MSR1: variants seen among roughly 807,000 people sequenced by gnomAD.
The protein encoded by MSR1 is macrophage scavenger receptor 1.
A neutral mutation model predicts 47.2 loss-of-function variants in MSR1; 53 were observed. The observed-to-expected ratio is 1.12, with a 90% CI of 0.90 to 1.41. The LOEUF is 1.41. Among genes scored for constraint, MSR1 ranks in the 40% most tolerant of loss-of-function variants. The pLI is 0.00. For synonymous variants in MSR1, 239 were observed against 185.6 expected, an observed-to-expected ratio of 1.29 and a Z score of -2.34; for missense variants, 786 against 546.9, an observed-to-expected ratio of 1.44 and a Z score of -4.36.
chr8:16,173,939 G>A (rs567245186), intron 3 of MSR1, among the ~76,000 whole-genome samples: 2 of 152,028 alleles, frequency 1.3e-5, no homozygotes, highest in African/African-American at 4.8e-5. Flanking sequence ...ATGAGCCACC[G>A]TGCCCAGCTG....
At chr8:16,128,459 C>T (rs1460032226) in intron 8 of MSR1, among the ~76,000 whole-genome samples, 2 of 152,002 alleles carry the variant, frequency 1.3e-5, no homozygotes, top group African/African-American at 2.4e-5. Context: ...GAGAAGGGGG[C>T]CGTCTGCAAG....
intron 9 of MSR1, among the ~76,000 whole-genome samples, chr8:16,119,870 C>CTT (rs35520763): frequency 0.019 from 1,793 of 95,642 alleles, 65 homozygotes; most frequent in African/African-American, 0.059. Context: ...TCACGCCTGG[C>CTT]TTTTTTTTTT....
At chr8:16,156,516 T>C (rs992728813) in intron 5 of MSR1, among the ~76,000 whole-genome samples, 1 of 151,950 alleles carries the variant, frequency 6.6e-6, no homozygotes, top group South Asian at 2.1e-4. Context: ...ATTATTACTC[T>C]TCTCAATAGA....
chr8:16,128,633 T>C (rs1391257318), intron 8 of MSR1, among the ~76,000 whole-genome samples: 9 of 152,154 alleles, frequency 5.9e-5, no homozygotes, highest in Admixed American at 5.2e-4. Context: ...TTTTCACTTA[T>C]GTTATGTTTT....
intron 1 of MSR1, among the ~76,000 whole-genome samples, chr8:16,180,963 G>A (rs1585195631): frequency 6.6e-6 from 1 of 151,998 alleles, no homozygotes; most frequent in Non-Finnish European, 1.5e-5. Flanking sequence ...CTCAGGTAGA[G>A]GCAAAGCAAA....
At chr8:16,151,295 A>C (rs1274118955) in intron 6 of MSR1, among the ~76,000 whole-genome samples, 2 of 152,102 alleles carry the variant, frequency 1.3e-5, no homozygotes, top group Non-Finnish European at 2.9e-5. Context: ...TGTTCAACTA[A>C]AAATCAAGGA....
intron 3 of MSR1, among the ~76,000 whole-genome samples, chr8:16,169,423 A>T (rs918561877): frequency 6.6e-6 from 1 of 152,194 alleles, no homozygotes; most frequent in African/African-American, 2.4e-5. Context: ...GTTAATACAG[A>T]CCTAATTCAC....
chr8:16,141,557 G>A (rs1298910029), intron 8 of MSR1, among the ~76,000 whole-genome samples: 1 of 152,106 alleles, frequency 6.6e-6, no homozygotes, highest in Non-Finnish European at 1.5e-5. Context: ...CACATTAGAT[G>A]TTTATGTATA....
chr8:16,191,965 C>G (rs1485650237), intron 1 of MSR1, among the ~76,000 whole-genome samples: 1 of 152,114 alleles, frequency 6.6e-6, no homozygotes, highest in Non-Finnish European at 1.5e-5. Context: ...TTTCATACTA[C>G]TTAAGGTGCT....
chr8:16,130,357 T>G (rs1252060922), intron 8 of MSR1, among the ~76,000 whole-genome samples: 1 of 152,186 alleles, frequency 6.6e-6, no homozygotes, highest in Non-Finnish European at 1.5e-5. Context: ...TGTCACATTT[T>G]GCAAATTCTC....
intron 6 of MSR1, among the ~76,000 whole-genome samples, chr8:16,151,085 A>C (rs1265956979): frequency 6.6e-6 from 1 of 152,136 alleles, no homozygotes; most frequent in Non-Finnish European, 1.5e-5. Flanking sequence ...GTTCTTGATA[A>C]ACTATTGTAA....
At chr8:16,120,911 T>C (rs1457711704) in intron 8 of MSR1, 5 of 393,816 alleles carry the variant, frequency 1.3e-5, no homozygotes, top group Non-Finnish European at 2.3e-5. Flanking sequence ...CAGATACAAG[T>C]TTATTGTCAC....
chr8:16,175,209 G>C lies in MSR1; in HGVS notation c.195C>G (p.Ile65Met), dbSNP rs768942318. 6.2e-7 allele frequency: 1 copy of C among 1,613,970 alleles called. No homozygotes were observed. Among genetic ancestry groups the C allele is most frequent in the Non-Finnish European group, 8.5e-7 (1 of 1,179,912 alleles). ...ALYLLVFAVLIPLIGIVAAQL... is the reference protein window; with the variant it reads ...ALYLLVFAVLMPLIGIVAAQL... ...TACCTGCCACTATTCCAATGAGAGG[G>C]ATGAGAACTGCAAACACGAGGAGGT... is the stretch of plus-strand genomic sequence containing the variant. The change falls in exon 3 of 10, where the codon ATC (isoleucine) becomes ATG (methionine). Residue 65 changes from isoleucine (I) to methionine (M), a missense_variant. Transcript: ENST00000262101.
intron 8 of MSR1, among the ~76,000 whole-genome samples, chr8:16,138,835 C>T (rs974101509): frequency 1.1e-4 from 17 of 152,200 alleles, no homozygotes; most frequent in African/African-American, 3.9e-4. Flanking sequence ...GCTAATTCTT[C>T]TCTCCCTTTT....
chr8:16,163,797 A>C (rs2117168506), intron 5 of MSR1, among the ~76,000 whole-genome samples: 1 of 151,998 alleles, frequency 6.6e-6, no homozygotes, highest in South Asian at 2.1e-4. Flanking sequence ...TGTATTCAGT[A>C]CTTATGAGGT....
chr8:16,139,872 T>C (rs528586946), intron 8 of MSR1: 79 of 417,410 alleles, frequency 1.9e-4, no homozygotes, highest in African/African-American at 1.9e-3. Flanking sequence ...TAAGAATCAA[T>C]TTTTAAAAAA....
chr8:16,175,230 G>A lies in MSR1; in HGVS notation c.174C>T (p.Leu58=), dbSNP rs1469723556. The A allele has an allele frequency of 2.5e-6, 4 of 1,613,986 alleles. No individual in the cohort carries two copies. Among genetic ancestry groups the A allele is most frequent in the Non-Finnish European group, 3.4e-6 (4 of 1,180,004 alleles). Residue 58 remains leucine (L), a synonymous_variant, in exon 3 of 10, where the codon CTC becomes CTT. Transcript: ENST00000262101. ...GAGGGATGAGAACTGCAAACACGAG[G>A]AGGTAAAGGGCAATCAGTGCAGCTT... ...SFKAALIALY[L]LVFAVLIPLI... is the part of the protein sequence containing the mutation.
At position 16,109,728 on chromosome 8, in the gene MSR1, C is replaced by G. The variant is rs943638207; in HGVS notation, c.*357G>C. On this transcript the variant is annotated 3_prime_UTR_variant, in exon 10 of 10. Transcript: ENST00000262101. ...AAATAGATTACAAAGACAAGAAGAG[C>G]AAAAAATTGTAATCTCCTGGTGAAC... is the stretch of plus-strand genomic sequence containing the variant. The G allele has an allele frequency of 8.8e-6, 2 of 227,480 alleles. No individual in the cohort carries two copies. The highest frequency in any genetic ancestry group is 4.6e-5 in the African/African-American group (2 of 43,260). The allele number at this position is 227,480 out of a possible 1,614,324, so 14.1% of individuals were successfully genotyped here.
In MSR1 at chr8:16,109,885, C is replaced by G. The variant is rs1799717022; in HGVS notation, c.*200G>C. The G allele has an allele frequency of 1.6e-6, 1 of 640,230 alleles. No individual in the cohort carries two copies. The highest frequency in any genetic ancestry group is 2.9e-5 in the East Asian group (1 of 34,936). 39.7% of individuals were successfully genotyped at this position (640,230 alleles called of 1,614,324 possible). On this transcript the variant is annotated 3_prime_UTR_variant, in exon 10 of 10. Coordinates refer to ENST00000262101, the MANE Select transcript of MSR1 (RefSeq NM_138715.3). ...ATATTAGAAAATTCCATTTAAAAAC[C>G]TATAGAAGTTAAAATGATTTAAATA... is the stretch of plus-strand genomic sequence containing the variant.
Sources: gnomAD v4.1 joint callset for allele counts (sites outside exome capture counted in the v4.1 genomes callset) on GRCh38, gnomAD v4.1.1 for gene constraint, MANE v1.5 for transcripts, NCBI Gene and HGNC (gene_info 2026-07-23, HGNC 2026-07-21) for gene names.